Variants in GRK3 observed in about 807,000 individuals in gnomAD.
GRK3 encodes adrenergic, beta, receptor kinase 2.
In GRK3, 54 loss-of-function variants were observed where a neutral mutation model predicts 95.7. The observed-to-expected ratio is 0.56, with a 90% CI of 0.45 to 0.71. GRK3 has a LOEUF of 0.71. Among genes scored for constraint, GRK3 ranks in the 30% least tolerant of loss-of-function variants. The probability of loss-of-function intolerance (pLI) is 0.00; values close to 1 mark genes in which losing one functional copy is unlikely to be tolerated. For missense variants in GRK3, 649 were observed against 851.2 expected (o/e 0.76, Z 2.96); for synonymous variants, 281 against 290.8 (o/e 0.97, Z 0.34).
Position 25,725,300 on chromosome 22 carries a change from G to A in GRK3, c.*2850G>A, listed in dbSNP as rs530997381. 9.3e-5 allele frequency: 33 copies of A among 355,768 alleles called. No individual in the cohort carries two copies. The highest frequency in any genetic ancestry group is 6.9e-4 in the African/African-American group (33 of 47,860). The allele number at this position is 355,768 out of a possible 1,614,324, so 22.0% of individuals were successfully genotyped here. On this transcript the variant is annotated 3_prime_UTR_variant, in exon 21 of 21. Coordinates refer to ENST00000324198, the MANE Select transcript of GRK3 (RefSeq NM_005160.4). Reference sequence around the variant, plus strand: ...TTTAACATTGATGAGAAAAATAATTGAGGTTGATATTTTTACAAAATCATG... The same window carrying A: ...TTTAACATTGATGAGAAAAATAATTAAGGTTGATATTTTTACAAAATCATG...
chr22:25,570,616 G>A (rs555004649), intron 1 of GRK3, among the ~76,000 whole-genome samples: 2 of 152,294 alleles, frequency 1.3e-5, no homozygotes, highest in South Asian at 4.1e-4. Flanking sequence ...CTGGACATTG[G>A]CAATGGGGAA....
chr22:25,714,691 A>C, intron 18 of GRK3, 121 bp downstream of exon 18: 2 of 921,080 alleles, frequency 2.2e-6, no homozygotes, highest in Non-Finnish European at 3.2e-6. Flanking sequence ...GCAATGCCAT[A>C]AATCGCTTTA....
chr22:25,564,703 G>C lies in GRK3; in HGVS notation c.-338G>C, dbSNP rs1465681335. Reference sequence around the variant, plus strand: ...TGGTCGGGAGGCGCCGGCCCAGCGAGGCCGCTGGGACTGTGCACTGAGGGG... The same window carrying C: ...TGGTCGGGAGGCGCCGGCCCAGCGACGCCGCTGGGACTGTGCACTGAGGGG... On this transcript the variant is annotated 5_prime_UTR_variant, in exon 1 of 21. Transcript: ENST00000324198. 6.6e-6 allele frequency: 1 copy of C among 151,844 alleles called. No individual in the cohort carries two copies. The highest frequency in any genetic ancestry group is 2.4e-5 in the African/African-American group (1 of 41,266). The allele number at this position is 151,844 out of a possible 1,614,324, so 9.4% of individuals were successfully genotyped here. A position where few individuals can be genotyped will look rare whatever the true frequency, so the allele number is the denominator to read the frequency against.
intron 19 of GRK3, among the ~76,000 whole-genome samples, chr22:25,718,601 G>A (rs2085405654): frequency 6.6e-6 from 1 of 152,232 alleles, no homozygotes; most frequent in Non-Finnish European, 1.5e-5. Flanking sequence ...GCTTTTTAGT[G>A]AGGTCAGAAG....
chr22:25,637,237 T>C (rs1031679089), intron 2 of GRK3, among the ~76,000 whole-genome samples: 1 of 152,220 alleles, frequency 6.6e-6, no homozygotes, highest in Non-Finnish European at 1.5e-5. Context: ...CCATTGGTTC[T>C]CCTGGTTGTC....
At chr22:25,667,020 G>C (rs902505310) in intron 5 of GRK3, among the ~76,000 whole-genome samples, 4 of 152,168 alleles carry the variant, frequency 2.6e-5, no homozygotes, top group South Asian at 2.1e-4. Flanking sequence ...TCCATGAGGG[G>C]AAGAGCACTG....
intron 2 of GRK3, among the ~76,000 whole-genome samples, chr22:25,618,011 G>T (rs1247855123): frequency 6.6e-6 from 1 of 152,236 alleles, no homozygotes; most frequent in Non-Finnish European, 1.5e-5. Context: ...GACCTCAGGT[G>T]ATCCACCTGC....
chr22:25,579,532 G>A (rs938139064), intron 1 of GRK3, among the ~76,000 whole-genome samples: 3 of 151,762 alleles, frequency 2.0e-5, no homozygotes, highest in Non-Finnish European at 4.4e-5. Context: ...GAGTGTAGTG[G>A]CATGATCTCA....
rs2085480316 is a variant in GRK3 at position 25,727,024 on chromosome 22, A to ACT, written c.*4574_*4575insCT. The ACT allele has an allele frequency of 6.6e-6, 1 of 151,078 alleles. No individual in the cohort carries two copies. Among genetic ancestry groups the ACT allele is most frequent in the Non-Finnish European group, 1.5e-5 (1 of 68,006 alleles). The allele number at this position is 151,078 out of a possible 1,614,324, so 9.4% of individuals were successfully genotyped here. On this transcript the variant is annotated 3_prime_UTR_variant, in exon 21 of 21. Coordinates refer to ENST00000324198, the MANE Select transcript of GRK3 (RefSeq NM_005160.4). ...CTGTGAATGCATTGCCCCATTGGTC[A>ACT]GTTGGGGACACTGTTACAAATCCAC...
chr22:25,670,496 G>T (rs1178394691), intron 6 of GRK3, among the ~76,000 whole-genome samples: 2 of 150,814 alleles, frequency 1.3e-5, no homozygotes, highest in African/African-American at 4.9e-5. Context: ...GTGAGACCCT[G>T]TCTCCAAAAG....
chr22:25,589,606 G>A (rs748059621), intron 1 of GRK3, among the ~76,000 whole-genome samples: 57 of 152,170 alleles, frequency 3.7e-4, no homozygotes, highest in East Asian at 5.8e-4. Context: ...TCTGGAGGCC[G>A]GAATTTGATG....
In GRK3 at chr22:25,663,673, C is replaced by T; in HGVS notation, c.410C>T (p.Ser137Phe). Residue 137 changes from serine (S) to phenylalanine (F), a missense_variant, in exon 5 of 21, where the codon TCC (serine) becomes TTC (phenylalanine). Ser to Phe is a radical substitution (Grantham distance 155). Around this residue, in one of 3 missense-constraint regions of GRK3, gnomAD observed 206 missense variants for 231.4 expected, o/e 0.89. Transcript: ENST00000324198. ...GTAGAACACGTACAAAGTCATTTAT[C>T]CAAGAAACAAGTGACATCAACTCTT... is the stretch of plus-strand genomic sequence containing the variant. The part of the protein sequence containing the change: ...QAVEHVQSHL[S>F]KKQVTSTLFQ... 6.2e-7 allele frequency: 1 copy of T among 1,611,180 alleles called. No homozygotes were observed.
At chr22:25,595,140 A>G (rs1038422170) in intron 1 of GRK3, among the ~76,000 whole-genome samples, 3 of 152,186 alleles carry the variant, frequency 2.0e-5, no homozygotes, top group Non-Finnish European at 4.4e-5. Flanking sequence ...TGCCACTCTT[A>G]TTCAACATAG....
At chr22:25,720,434 T>C (rs2085421925) in intron 19 of GRK3, among the ~76,000 whole-genome samples, 1 of 150,500 alleles carries the variant, frequency 6.6e-6, no homozygotes, top group Admixed American at 6.6e-5. Context: ...CTCATGACAC[T>C]ATAGCATTCA....
intron 13 of GRK3, among the ~76,000 whole-genome samples, chr22:25,699,217 G>T (rs1395061418): frequency 6.6e-6 from 1 of 152,104 alleles, no homozygotes; most frequent in Non-Finnish European, 1.5e-5. Flanking sequence ...ATGCCTGTCA[G>T]CCTCCTGTGC....
At chr22:25,568,637 T>C (rs540429681) in intron 1 of GRK3, among the ~76,000 whole-genome samples, 1 of 152,288 alleles carries the variant, frequency 6.6e-6, no homozygotes, top group South Asian at 2.1e-4. Context: ...CGGGGTACTA[T>C]GACAAACCCA....
At chr22:25,665,164 G>C (rs183221835) in intron 5 of GRK3, among the ~76,000 whole-genome samples, 65 of 152,336 alleles carry the variant, frequency 4.3e-4, no homozygotes, top group African/African-American at 1.4e-3. Flanking sequence ...CAGTGAGAAG[G>C]GTGCACACGG....
Position 25,688,096 on chromosome 22 carries a change from C to T in GRK3, c.957+429C>T, listed in dbSNP as rs141043901. On this transcript the variant is annotated intron_variant, in intron 11 of 20. Coordinates refer to ENST00000324198, the MANE Select transcript of GRK3 (RefSeq NM_005160.4). Reference sequence around the variant, plus strand: ...CTAAAAATACAAAAAATTAGCCGGGCGTGGTGGCAGGTGCCTGTAGTCCCA... The same window carrying T: ...CTAAAAATACAAAAAATTAGCCGGGTGTGGTGGCAGGTGCCTGTAGTCCCA... Among the ~76,000 whole-genome samples the T allele has an allele frequency of 3.9e-3, 595 of 151,978 alleles. 29 individuals are homozygous for T. In the East Asian group the frequency reaches 0.096, roughly 25 times the overall value.
At chr22:25,582,104 T>C (rs1262827152) in intron 1 of GRK3, among the ~76,000 whole-genome samples, 3 of 152,038 alleles carry the variant, frequency 2.0e-5, no homozygotes, top group African/African-American at 4.8e-5. Context: ...TGGTGAATCC[T>C]CGTCGCTACT....
Sources: allele counts gnomAD v4.1 joint callset (sites outside exome capture counted in the v4.1 genomes callset), GRCh38; gene constraint gnomAD v4.1.1; regional missense constraint gnomAD v4.1.1; transcripts MANE v1.5; gene names NCBI Gene and HGNC (gene_info 2026-07-23, HGNC 2026-07-21).